The following OXNAD1 variants were observed in gnomAD, a reference collection of about 807,000 sequenced individuals.
OXNAD1 encodes oxidoreductase NAD binding domain containing 1.
A neutral mutation model predicts 32.9 loss-of-function variants in OXNAD1; 34 were observed. That is an observed-to-expected ratio of 1.03 (90% CI 0.79 to 1.38). The LOEUF is 1.38. OXNAD1 is among the 40% of genes most tolerant of loss of function. The probability of loss-of-function intolerance (pLI) is 0.00; values close to 1 mark genes in which losing one functional copy is unlikely to be tolerated. For missense variants in OXNAD1, 407 were observed against 379.4 expected (o/e 1.07, Z -0.60); for synonymous variants, 134 against 135.2 (o/e 0.99, Z 0.06).
At chr3:16,318,135 T>A (rs1408205694) in intron 9 of OXNAD1, among the ~76,000 whole-genome samples, 1 of 152,000 alleles carries the variant, frequency 6.6e-6, no homozygotes, top group Non-Finnish European at 1.5e-5. Context: ...AACCAGGGTC[T>A]CATCAAATCT....
rs755253693 is a variant in OXNAD1, at chr3:16,335,104, G to A, written c.*31-2008G>A. Among the ~76,000 whole-genome samples, 1 of 152,242 alleles carries A rather than the reference G, an allele frequency of 6.6e-6. No individual in the cohort carries two copies. Among genetic ancestry groups the A allele is most frequent in the Admixed American group, 6.5e-5 (1 of 15,286 alleles). On this transcript the variant is annotated intron_variant, in intron 9 of 9. Coordinates refer to the OXNAD1 transcript ENST00000435829. This position sits in a 1 kb window ranked among gnomAD's most constrained non-coding sequence, Gnocchi z 4.7. The stretch of plus-strand genomic sequence containing the variant: ...ATTTCAGACTTCTGACTCAACAAAT[G>A]TAAGACAATAAACTTGCGTTGTTTT...
At chr3:16,338,328 G>A (rs1342653035), downstream of OXNAD1, among the ~76,000 whole-genome samples, 3 of 152,244 alleles carry the variant, frequency 2.0e-5, no homozygotes, top group East Asian at 5.8e-4. The surrounding 1 kb of genome is among the most constrained non-coding windows in gnomAD (Gnocchi z 5.3). Context: ...TAATGAGGCC[G>A]GACATGCGGC....
Position 16,299,904 on chromosome 3 carries a change from C to T in OXNAD1, c.433-1722C>T, listed in dbSNP as rs1021862062. Among the ~76,000 whole-genome samples the T allele has an allele frequency of 3.9e-5, 6 of 152,158 alleles. No individual in the cohort carries two copies. Among genetic ancestry groups the T allele is most frequent in the Admixed American group, 1.3e-4 (2 of 15,272 alleles). ...TGTGACAGCTGCAATGACCAAAATT[C>T]CTTCTTATGTAGAGCCAGATACTCG... On this transcript the variant is annotated intron_variant, in intron 6 of 8. Transcript: ENST00000285083. This position sits in a 1 kb window ranked among gnomAD's most constrained non-coding sequence, Gnocchi z 4.4.
At position 16,290,167 on chromosome 3, in the gene OXNAD1, G is replaced by A. The variant is rs775178566; in HGVS notation, c.290+3719G>A. 3.9e-5 allele frequency among the ~76,000 whole-genome samples: 6 copies of A among 152,168 alleles called. No homozygotes were observed. Among genetic ancestry groups the A allele is most frequent in the Admixed American group, 1.3e-4 (2 of 15,264 alleles). ...ATGTGGACATCCACTGCTTCACCGC[G>A]CACCTAGGCTCCTTCTGCATACACT... On this transcript the variant is annotated intron_variant, in intron 5 of 8. Transcript: ENST00000285083. The surrounding 1 kb of genome is among the most constrained non-coding windows in gnomAD (Gnocchi z 4.2).
chr3:16,268,502 TG>T (rs2064713251), intron 1 of OXNAD1, among the ~76,000 whole-genome samples: 1 of 151,864 alleles, frequency 6.6e-6, no homozygotes, highest in African/African-American at 2.4e-5. Context: ...GCTAATTTTT[TG>T]TATTTTTAGT....
At chr3:16,300,302 A>T (rs908507772) in intron 6 of OXNAD1, among the ~76,000 whole-genome samples, 1 of 152,252 alleles carries the variant, frequency 6.6e-6, no homozygotes, top group African/African-American at 2.4e-5. Context: ...ATAAATGGTT[A>T]GGCAGATCTA....
At chr3:16,350,800 CT>C (rs2072047170), downstream of OXNAD1, among the ~76,000 whole-genome samples, 1 of 152,134 alleles carries the variant, frequency 6.6e-6, no homozygotes, top group African/African-American at 2.4e-5. Flanking sequence ...GAACTGCTGT[CT>C]TTGGCACTAA....
In OXNAD1 at chr3:16,303,404, G is replaced by GT; in HGVS notation, c.785-3dup. 1.9e-6 allele frequency: 3 copies of GT among 1,613,052 alleles called. No individual in the cohort carries two copies. Among genetic ancestry groups the GT allele is most frequent in the Non-Finnish European group, 2.5e-6 (3 of 1,179,514 alleles). ...AATTTGGTGTTTATTCTGGTTTTTG[G>GT]TAGAAGGAAGAATAACGGAGAAGGA... On this transcript the variant is annotated splice_region_variant and splice_polypyrimidine_tract_variant and intron_variant, in intron 8 of 8. Transcript: ENST00000285083. The surrounding 1 kb of genome is among the most constrained non-coding windows in gnomAD (Gnocchi z 4.8).
chr3:16,303,699 G>GCTTTT lies in OXNAD1; in HGVS notation c.*137_*138insCTTTT. 2 of 948,574 alleles carry GCTTTT rather than the reference G, an allele frequency of 2.1e-6. No homozygotes were observed. Among genetic ancestry groups the GCTTTT allele is most frequent in the Non-Finnish European group, 2.9e-6 (2 of 682,338 alleles). 58.8% of individuals were successfully genotyped at this position (948,574 alleles called of 1,614,324 possible). ...AGGCTATAAACTTAGTGACCAGCTG[G>GCTTTT]ATAATAAAAGCCAGCTGGCAGACTT... On this transcript the variant is annotated 3_prime_UTR_variant, in exon 9 of 9. Transcript: ENST00000285083. The surrounding 1 kb of genome is among the most constrained non-coding windows in gnomAD (Gnocchi z 4.8).
In OXNAD1 at chr3:16,271,740, A is replaced by G. The variant is rs1483632889; in HGVS notation, c.183+18A>G. On this transcript the variant is annotated intron_variant, in intron 4 of 8. Coordinates refer to ENST00000285083, the MANE Select transcript of OXNAD1 (RefSeq NM_138381.5). The surrounding 1 kb of genome is among the most constrained non-coding windows in gnomAD (Gnocchi z 4.6). Reference sequence around the variant, plus strand: ...GACGGGAGGTTTGTATCTTTGGGGTATGACAGGTTTTTCCAGCTAGACCGT... The same window carrying G: ...GACGGGAGGTTTGTATCTTTGGGGTGTGACAGGTTTTTCCAGCTAGACCGT... 1 of 1,600,204 alleles carries G rather than the reference A, an allele frequency of 6.2e-7. No individual in the cohort carries two copies. Among genetic ancestry groups the G allele is most frequent in the Non-Finnish European group, 8.5e-7 (1 of 1,175,626 alleles).
Position 16,277,830 on chromosome 3 carries a change from C to G in OXNAD1, c.183+6108C>G, listed in dbSNP as rs560508125. Among the ~76,000 whole-genome samples, 3 of 152,328 alleles carry G rather than the reference C, an allele frequency of 2.0e-5. No individual in the cohort carries two copies. In the South Asian group the frequency reaches 6.2e-4, roughly 32 times the overall value. On this transcript the variant is annotated intron_variant, in intron 4 of 8. Transcript: ENST00000285083. The surrounding 1 kb of genome is among the most constrained non-coding windows in gnomAD (Gnocchi z 4.3). Reference sequence around the variant, plus strand: ...TCTGAGATTGTGCTGATGGAGGAAACTGAACTCTGAATTGAATTACATTGG... The same window carrying G: ...TCTGAGATTGTGCTGATGGAGGAAAGTGAACTCTGAATTGAATTACATTGG...
Position 16,300,203 on chromosome 3 carries a change from G to GT in OXNAD1, c.433-1414dup, listed in dbSNP as rs879630896. Among the ~76,000 whole-genome samples, 49 of 151,696 alleles carry GT rather than the reference G, an allele frequency of 3.2e-4. 2 individuals are homozygous for GT. The highest frequency in any genetic ancestry group is 1.1e-3 in the Admixed American group (17 of 15,208). ...CATAGTTAATGTAATGTACCCATAG[G>GT]TTTTTTTTTAAATAACATAATTCTC... On this transcript the variant is annotated intron_variant, in intron 6 of 8. Transcript: ENST00000285083.
In OXNAD1 at chr3:16,302,672, TGAG is replaced by T; in HGVS notation, c.709_711del (p.Glu237del). 5.6e-6 allele frequency: 9 copies of T among 1,613,042 alleles called. No homozygotes were observed. The highest frequency in any genetic ancestry group is 7.6e-6 in the Non-Finnish European group (9 of 1,179,336). On this transcript the variant is annotated inframe_deletion, in exon 8 of 9. Transcript: ENST00000285083. This position sits in a 1 kb window ranked among gnomAD's most constrained non-coding sequence, Gnocchi z 4.2. ...TCCTTGATTTAGTAAATGAATTTCC[TGAG>T]AAGATTGCATGCAGTTTGCATGTTA... is the stretch of plus-strand genomic sequence containing the variant.
intron 4 of OXNAD1, among the ~76,000 whole-genome samples, chr3:16,283,228 A>G (rs969020048): frequency 6.6e-6 from 1 of 152,178 alleles, no homozygotes; most frequent in African/African-American, 2.4e-5. Flanking sequence ...AGTCTTCTCT[A>G]TCTCTGCATA....
rs1468065585 is a variant in OXNAD1, at chr3:16,298,464, G to A, written c.433-3162G>A. Among the ~76,000 whole-genome samples, 1 of 152,138 alleles carries A rather than the reference G, an allele frequency of 6.6e-6. No individual in the cohort carries two copies. Among genetic ancestry groups the A allele is most frequent in the Non-Finnish European group, 1.5e-5 (1 of 68,024 alleles). On this transcript the variant is annotated intron_variant, in intron 6 of 8. Transcript: ENST00000285083. The surrounding 1 kb of genome is among the most constrained non-coding windows in gnomAD (Gnocchi z 5.1). ...CTTACAGGCTGTAGAAAATCTCAAA[G>A]TGTTATTGCCTGAATGCACATCCTA...
Position 16,271,198 on chromosome 3 carries a change from G to C in OXNAD1, c.119+127G>C. On this transcript the variant is annotated intron_variant, in intron 3 of 8. Transcript: ENST00000285083. The surrounding 1 kb of genome is among the most constrained non-coding windows in gnomAD (Gnocchi z 4.6). ...CTTAGCTTCAATGTGCATGCTGTCA[G>C]GTTGTTAACCGTTTTTTTTGTCTGA... The C allele has an allele frequency of 8.7e-7, 1 of 1,145,116 alleles. No individual in the cohort carries two copies. The highest frequency in any genetic ancestry group is 1.2e-6 in the Non-Finnish European group (1 of 842,076). The allele number at this position is 1,145,116 out of a possible 1,614,324, so 70.9% of individuals were successfully genotyped here.
rs1167335951 is a variant in OXNAD1, at chr3:16,305,955, G to A, written c.*2393G>A. ...CAAGAGGCTGGATGCCTTAGATGTG[G>A]TCTAACTTGAAACCTTCATGTGGGT... On this transcript the variant is annotated 3_prime_UTR_variant, in exon 9 of 9. Coordinates refer to ENST00000285083, the MANE Select transcript of OXNAD1 (RefSeq NM_138381.5). This position sits in a 1 kb window ranked among gnomAD's most constrained non-coding sequence, Gnocchi z 4.5. The A allele has an allele frequency of 6.6e-6, 1 of 152,190 alleles. No individual in the cohort carries two copies. The highest frequency in any genetic ancestry group is 1.5e-5 in the Non-Finnish European group (1 of 68,030). The allele number at this position is 152,190 out of a possible 1,614,324, so 9.4% of individuals were successfully genotyped here. A position where few individuals can be genotyped will look rare whatever the true frequency, so the allele number is the denominator to read the frequency against.
chr3:16,291,793 A>G (rs1397477757), intron 5 of OXNAD1, among the ~76,000 whole-genome samples: 1 of 152,144 alleles, frequency 6.6e-6, no homozygotes, highest in Non-Finnish European at 1.5e-5. Context: ...TAACTAACTA[A>G]CATTTTCAGG....
chr3:16,307,228 T>C (rs191294486), downstream of OXNAD1, among the ~76,000 whole-genome samples: 13 of 152,378 alleles, frequency 8.5e-5, no homozygotes, highest in Non-Finnish European at 1.8e-4. Flanking sequence ...ATACATTTGA[T>C]TGTTTTCATC....
Sources: gnomAD v4.1 joint callset for allele counts (sites outside exome capture counted in the v4.1 genomes callset) on GRCh38, gnomAD v4.1.1 for gene constraint, Gnocchi (gnomAD v3.1) non-coding constraint, MANE v1.5 for transcripts, NCBI Gene and HGNC (gene_info 2026-07-23, HGNC 2026-07-21) for gene names.